HMGN3: variants seen among roughly 807,000 people sequenced by gnomAD.
HMGN3 encodes high mobility group nucleosomal binding domain 3, also known as high mobility group nucleosome-binding domain-containing protein 3.
A neutral mutation model predicts 18.8 loss-of-function variants in HMGN3; 6 were observed. The ratio of observed to expected loss-of-function variants is 0.32; its 90% CI spans 0.18 to 0.63. The LOEUF (loss-of-function observed/expected upper bound fraction) is 0.63. Ranked by LOEUF, HMGN3 falls within the 30% of genes least tolerant of loss-of-function variation. The probability of loss-of-function intolerance (pLI) is 0.79; values close to 1 mark genes in which losing one functional copy is unlikely to be tolerated. For synonymous variants in HMGN3, 40 were observed against 36.5 expected (o/e 1.10, Z -0.35); for missense variants, 107 against 114.2 (o/e 0.94, Z 0.29).
intron 3 of HMGN3, among the ~76,000 whole-genome samples, chr6:79,205,428 G>C (rs1776373151): frequency 6.6e-6 from 1 of 152,228 alleles, no homozygotes. Flanking sequence ...CATGAGATCT[G>C]ATGGTTTTAA....
Position 79,210,605 on chromosome 6 carries a change from G to C in HMGN3, c.67-2029C>G, listed in dbSNP as rs76496460. On this transcript the variant is annotated intron_variant, in intron 2 of 5. Coordinates refer to ENST00000344726, the Ensembl canonical transcript of HMGN3. The stretch of plus-strand genomic sequence containing the variant: ...AGATGAACAGAAGGGGTAAGCACCA[G>C]AAACATACAGCAACTGTGAACTTGT... 5.3e-5 allele frequency among the ~76,000 whole-genome samples: 8 copies of C among 152,228 alleles called. No homozygotes were observed. The East Asian group carries it at 1.4e-3, about 26-fold the overall frequency.
At chr6:79,214,208 T>C (rs535398583) in intron 2 of HMGN3, among the ~76,000 whole-genome samples, 135 of 151,188 alleles carry the variant, frequency 8.9e-4, no homozygotes, top group African/African-American at 3.0e-3. Context: ...CTTTTTCTTT[T>C]TTTTTTTTTT....
intron 1 of HMGN3, among the ~76,000 whole-genome samples, chr6:79,224,153 G>A (rs1390647014): frequency 6.6e-6 from 1 of 152,188 alleles, no homozygotes; most frequent in East Asian, 1.9e-4. Flanking sequence ...CAGAGAGGTT[G>A]AATAACTTGC....
Position 79,214,974 on chromosome 6 carries a change from C to A in HMGN3, c.64G>T (p.Glu22Ter). The change falls in exon 2 of 6, where the codon GAG becomes TAG. Residue 22 changes from glutamate to a stop codon, truncating the protein, a stop_gained and splice_region_variant. Transcript: ENST00000344726. LOFTEE classifies it high-confidence loss of function. ...TAGGATGTCAAAGATATACTTACCT[C>A]CTGTTTAGTTACTTTGGATCCATCT... is the stretch of plus-strand genomic sequence containing the variant. 1 of 1,475,328 alleles carries A rather than the reference C, an allele frequency of 6.8e-7. No homozygotes were observed. 91.4% of individuals were successfully genotyped at this position (1,475,328 alleles called of 1,614,324 possible). A position where few individuals can be genotyped will look rare whatever the true frequency, so the allele number is the denominator to read the frequency against.
intron 1 of HMGN3, among the ~76,000 whole-genome samples, chr6:79,220,649 G>C (rs1170067934): frequency 6.6e-6 from 1 of 152,152 alleles, no homozygotes; most frequent in Non-Finnish European, 1.5e-5. Flanking sequence ...GTTTCATCAT[G>C]TTGGTCAGGC....
intron 3 of HMGN3, among the ~76,000 whole-genome samples, chr6:79,207,656 G>A (rs1398115464): frequency 6.6e-6 from 1 of 152,190 alleles, no homozygotes; most frequent in Non-Finnish European, 1.5e-5. Flanking sequence ...GATCCAAACA[G>A]CTGTATTTCT....
intron 1 of HMGN3, among the ~76,000 whole-genome samples, chr6:79,216,639 G>T (rs994030356): frequency 2.0e-5 from 3 of 152,120 alleles, no homozygotes; most frequent in African/African-American, 7.2e-5. Context: ...CAATTATGAA[G>T]AAACAGTTTT....
chr6:79,212,359 T>G (rs1776736393), intron 2 of HMGN3, among the ~76,000 whole-genome samples: 1 of 152,222 alleles, frequency 6.6e-6, no homozygotes. Flanking sequence ...TTCTCTGACA[T>G]TCACTATTCT....
intron 1 of HMGN3, among the ~76,000 whole-genome samples, chr6:79,224,726 G>A (rs1180841816): frequency 2.0e-5 from 3 of 152,144 alleles, no homozygotes; most frequent in East Asian, 3.9e-4. Flanking sequence ...CTTCCAAGAC[G>A]TCAAGTGACC....
At chr6:79,229,836 C>A (rs1357146966) in intron 1 of HMGN3, among the ~76,000 whole-genome samples, 1 of 152,086 alleles carries the variant, frequency 6.6e-6, no homozygotes, top group African/African-American at 2.4e-5. Flanking sequence ...TGAGATCGCG[C>A]TACTGCCCTC....
intron 1 of HMGN3, among the ~76,000 whole-genome samples, chr6:79,215,548 T>A (rs1191726070): frequency 6.6e-6 from 1 of 152,198 alleles, no homozygotes; most frequent in African/African-American, 2.4e-5. Context: ...TTTTCCATTA[T>A]CAACTCCAGC....
chr6:79,218,256 T>C (rs1157736156), intron 1 of HMGN3, among the ~76,000 whole-genome samples: 1 of 152,118 alleles, frequency 6.6e-6, no homozygotes, highest in Non-Finnish European at 1.5e-5. Context: ...CTCAATTAGA[T>C]TTTAAGACTT....
chr6:79,218,637 G>A (rs537738321), intron 1 of HMGN3, among the ~76,000 whole-genome samples: 1 of 152,220 alleles, frequency 6.6e-6, no homozygotes, highest in East Asian at 1.9e-4. Flanking sequence ...AATGATAACT[G>A]CAAAATCATG....
intron 1 of HMGN3, among the ~76,000 whole-genome samples, chr6:79,220,457 GT>G (rs1777217537): frequency 6.6e-6 from 1 of 151,944 alleles, no homozygotes; most frequent in Non-Finnish European, 1.5e-5. Context: ...TGCCTTTTTT[GT>G]TTTTTTGAGA....
intron 2 of HMGN3, among the ~76,000 whole-genome samples, chr6:79,214,355 C>G (rs1776855405): frequency 1.3e-5 from 2 of 152,028 alleles, no homozygotes; most frequent in African/African-American, 4.8e-5. Context: ...GCGCCCACCA[C>G]CACGCCTGGC....
At chr6:79,222,751 T>C (rs1479054336) in intron 1 of HMGN3, among the ~76,000 whole-genome samples, 3 of 152,250 alleles carry the variant, frequency 2.0e-5, no homozygotes, top group Admixed American at 1.3e-4. Context: ...TTATTTTCCA[T>C]ATCCTCCCCT....
intron 1 of HMGN3, among the ~76,000 whole-genome samples, chr6:79,223,679 G>T (rs1033187141): frequency 2.0e-5 from 3 of 151,992 alleles, no homozygotes; most frequent in Non-Finnish European, 4.4e-5. Flanking sequence ...CTCAAAAAAA[G>T]AAAGAAGTTT....
chr6:79,202,822 G>T (rs1386344923), intron 4 of HMGN3, among the ~76,000 whole-genome samples: 1 of 152,176 alleles, frequency 6.6e-6, no homozygotes, highest in Non-Finnish European at 1.5e-5. Flanking sequence ...CATGTGGCTT[G>T]CATGACTAGA....
At chr6:79,222,901 G>T (rs543215184) in intron 1 of HMGN3, among the ~76,000 whole-genome samples, 1 of 152,218 alleles carries the variant, frequency 6.6e-6, no homozygotes, top group African/African-American at 2.4e-5. Flanking sequence ...TTCTTTAGAA[G>T]ACTTTGAACT....
Sources: gnomAD v4.1 joint callset for allele counts (sites outside exome capture counted in the v4.1 genomes callset) on GRCh38, gnomAD v4.1.1 for gene constraint, MANE v1.5 for transcripts, NCBI Gene and HGNC (gene_info 2026-07-23, HGNC 2026-07-21) for gene names.